Variants in TENM4 observed in about 807,000 individuals in gnomAD.
TENM4 encodes the protein teneurin-4.
A neutral mutation model predicts 243.3 loss-of-function variants in TENM4; 82 were observed. That is an observed-to-expected ratio of 0.34 (90% CI 0.28 to 0.40). The LOEUF (loss-of-function observed/expected upper bound fraction) is 0.40, where lower values mean the gene tolerates loss of function less well. TENM4 is among the 10% of genes least tolerant of loss of function. The pLI, the probability that TENM4 is intolerant of heterozygous loss-of-function variation, is 1.00. For synonymous variants in TENM4, 1,412 were observed against 1,456.3 expected, an observed-to-expected ratio of 0.97 and a Z score of 0.69; for missense variants, 3,138 against 3,673.3, an observed-to-expected ratio of 0.85 and a Z score of 3.77.
Position 79,213,231 on chromosome 11 carries a change from C to G in TENM4, c.-163+2577G>C, listed in dbSNP as rs17828319. ...GATGGCTTGAATAGTAGCATGTAAG[C>G]AAGTCACAATATGGAACCTGTTCAA... On this transcript the variant is annotated intron_variant, in intron 3 of 33. Coordinates refer to ENST00000278550, the MANE Select transcript of TENM4 (RefSeq NM_001098816.3). Among the ~76,000 whole-genome samples the G allele has an allele frequency of 4.6e-3, 702 of 152,186 alleles. 5 individuals are homozygous for G. Among genetic ancestry groups the G allele is most frequent in the Middle Eastern group, 6.8e-3 (2 of 294 alleles).
At chr11:79,041,796 G>A (rs963534699) in intron 6 of TENM4, among the ~76,000 whole-genome samples, 1 of 152,142 alleles carries the variant, frequency 6.6e-6, no homozygotes, top group Non-Finnish European at 1.5e-5. Context: ...TTGTCACAAG[G>A]GACCCAACAG....
rs372327963 is a variant in TENM4, at chr11:79,322,768, T to C, written c.-320-25225A>G. Reference sequence around the variant, plus strand: ...GAAGTCTACAAGGACAATGAAATGTTATTGTTCACACAATTCCATGTTTAC... The same window carrying C: ...GAAGTCTACAAGGACAATGAAATGTCATTGTTCACACAATTCCATGTTTAC... On this transcript the variant is annotated intron_variant, in intron 1 of 33. Coordinates refer to ENST00000278550, the MANE Select transcript of TENM4 (RefSeq NM_001098816.3). Among the ~76,000 whole-genome samples, 25 of 152,348 alleles carry C rather than the reference T, an allele frequency of 1.6e-4. 1 individual carries two copies. The East Asian group carries it at 3.3e-3, about 20-fold the overall frequency.
intron 4 of TENM4, among the ~76,000 whole-genome samples, chr11:79,119,142 A>T (rs1861684548): frequency 6.6e-6 from 1 of 152,166 alleles, no homozygotes; most frequent in African/African-American, 2.4e-5. Flanking sequence ...GCAGTTCCCA[A>T]AGCCAGGGCT....
chr11:79,138,620 A>G (rs1235480362), intron 4 of TENM4, among the ~76,000 whole-genome samples: 1 of 100,688 alleles, frequency 9.9e-6, no homozygotes, highest in East Asian at 2.3e-4. Context: ...ATAAATACAT[A>G]AAACATATAT....
At chr11:79,240,163 G>T (rs1864562960) in intron 2 of TENM4, among the ~76,000 whole-genome samples, 1 of 152,054 alleles carries the variant, frequency 6.6e-6, no homozygotes, top group African/African-American at 2.4e-5. Context: ...CCCTCAGGAG[G>T]GTGATAACAG....
chr11:78,663,721 A>G (rs1219785489), intron 32 of TENM4, among the ~76,000 whole-genome samples: 1 of 152,186 alleles, frequency 6.6e-6, no homozygotes, highest in Non-Finnish European at 1.5e-5. Context: ...ATGCTCAGGT[A>G]TTCCTCTAAG....
At chr11:79,145,036 C>G (rs773350847) in intron 4 of TENM4, among the ~76,000 whole-genome samples, 10 of 151,730 alleles carry the variant, frequency 6.6e-5, no homozygotes, top group Non-Finnish European at 1.2e-4. Context: ...AAATATCTCA[C>G]GTGCCCCATA....
intron 3 of TENM4, among the ~76,000 whole-genome samples, chr11:79,156,006 C>T (rs1195904576): frequency 1.3e-5 from 2 of 152,082 alleles, no homozygotes; most frequent in African/African-American, 4.8e-5. Context: ...AATATTTAAA[C>T]TTTAAATAAA....
intron 3 of TENM4, among the ~76,000 whole-genome samples, 164 bp downstream of exon 3, chr11:79,215,644 G>T (rs1241872823): frequency 6.6e-6 from 1 of 152,152 alleles, no homozygotes; most frequent in African/African-American, 2.4e-5. Context: ...CCCGGAGAAG[G>T]CTACCTTTAC....
At chr11:78,774,741 G>T (rs991341178) in intron 17 of TENM4, among the ~76,000 whole-genome samples, 2 of 152,168 alleles carry the variant, frequency 1.3e-5, no homozygotes, top group Admixed American at 1.3e-4. Flanking sequence ...TGGATGAGAT[G>T]ATCCATTAGG....
intron 3 of TENM4, among the ~76,000 whole-genome samples, chr11:79,157,169 T>A (rs1341600900): frequency 6.6e-6 from 1 of 152,142 alleles, no homozygotes; most frequent in Non-Finnish European, 1.5e-5. Context: ...AGCCCAGGAC[T>A]ATACGACATT....
chr11:78,973,331 A>C (rs555524869), intron 6 of TENM4, among the ~76,000 whole-genome samples: 4 of 152,346 alleles, frequency 2.6e-5, no homozygotes, highest in South Asian at 4.1e-4. Context: ...CATCCTTGTC[A>C]ACACTTGTTA....
intron 6 of TENM4, among the ~76,000 whole-genome samples, chr11:78,945,720 T>C (rs1296184197): frequency 2.0e-5 from 3 of 152,180 alleles, no homozygotes; most frequent in African/African-American, 7.2e-5. Context: ...TGCGACTCCA[T>C]TGAACACACA....
At chr11:79,214,936 G>C (rs558456320) in intron 3 of TENM4, among the ~76,000 whole-genome samples, 18 of 152,360 alleles carry the variant, frequency 1.2e-4, no homozygotes, top group Non-Finnish European at 2.6e-4. Context: ...CTTCCGCTAT[G>C]TTAAGCCACT....
chr11:79,295,400 C>T (rs1856432301), intron 2 of TENM4, among the ~76,000 whole-genome samples: 1 of 152,194 alleles, frequency 6.6e-6, no homozygotes, highest in African/African-American at 2.4e-5. Context: ...AGGGTTTGCA[C>T]ACACACAATT....
chr11:79,423,853 C>A (rs1858992320), intron 1 of TENM4, among the ~76,000 whole-genome samples: 1 of 152,076 alleles, frequency 6.6e-6, no homozygotes, highest in Non-Finnish European at 1.5e-5. Flanking sequence ...TACTTCTAGT[C>A]CTTTTGGAAA....
chr11:79,094,556 G>C (rs892003555), intron 4 of TENM4, among the ~76,000 whole-genome samples: 1 of 152,188 alleles, frequency 6.6e-6, no homozygotes, highest in Non-Finnish European at 1.5e-5. Context: ...TCAGTGAGAA[G>C]TGTCAAATTC....
chr11:79,162,152 T>C (rs567440194), intron 3 of TENM4, among the ~76,000 whole-genome samples: 2 of 152,346 alleles, frequency 1.3e-5, no homozygotes, highest in South Asian at 2.1e-4. Flanking sequence ...TGTGCAGATC[T>C]AAAGCTGCCC....
intron 4 of TENM4, among the ~76,000 whole-genome samples, chr11:79,113,458 T>G (rs1861551806): frequency 6.7e-6 from 1 of 149,922 alleles, no homozygotes; most frequent in Non-Finnish European, 1.5e-5. Context: ...GAGGGGGTGC[T>G]TCAGATTTCA....
Sources: allele counts gnomAD v4.1 joint callset (sites outside exome capture counted in the v4.1 genomes callset), GRCh38; gene constraint gnomAD v4.1.1; transcripts MANE v1.5; gene names NCBI Gene and HGNC (gene_info 2026-07-23, HGNC 2026-07-21).